ARHGAP12: variants seen among roughly 807,000 people sequenced by gnomAD.
ARHGAP12 encodes rho GTPase-activating protein 12.
Under a neutral mutation model 108.6 loss-of-function variants are expected in ARHGAP12, and 64 were observed. That is an observed-to-expected ratio of 0.59 (90% CI 0.48 to 0.73). The LOEUF (loss-of-function observed/expected upper bound fraction) is 0.73. Ranked by LOEUF, ARHGAP12 falls within the 30% of genes least tolerant of loss-of-function variation. ARHGAP12 has a pLI of 0.00. For synonymous variants in ARHGAP12, 312 were observed against 337.2 expected, an observed-to-expected ratio of 0.93 and a Z score of 0.82; for missense variants, 940 against 1,005.9, an observed-to-expected ratio of 0.93 and a Z score of 0.89.
chr10:31,818,277 AAT>A (rs1484759851), intron 12 of ARHGAP12, among the ~76,000 whole-genome samples: 1 of 152,210 alleles, frequency 6.6e-6, no homozygotes, highest in Non-Finnish European at 1.5e-5. Context: ...CAACCTGAGA[AAT>A]TTTTTTCTGT....
intron 3 of ARHGAP12, among the ~76,000 whole-genome samples, chr10:31,885,473 C>T (rs1271105612): frequency 6.6e-6 from 1 of 152,094 alleles, no homozygotes; most frequent in East Asian, 1.9e-4. Context: ...TCCTGCTTTG[C>T]CTACTTTCCA....
At chr10:31,914,512 A>C (rs1371156831) in intron 1 of ARHGAP12, among the ~76,000 whole-genome samples, 2 of 152,200 alleles carry the variant, frequency 1.3e-5, no homozygotes, top group African/African-American at 2.4e-5. Context: ...CTTCAAAAGA[A>C]GACACACAAA....
chr10:31,843,304 T>C (rs946129226), intron 7 of ARHGAP12, among the ~76,000 whole-genome samples, 157 bp downstream of exon 7: 7 of 152,160 alleles, frequency 4.6e-5, no homozygotes, highest in Non-Finnish European at 1.0e-4. Flanking sequence ...TAGTAACATT[T>C]CAACATACAT....
At chr10:31,820,529 C>G in intron 11 of ARHGAP12, 41 bp from the exon 12 acceptor site, 1 of 1,230,636 alleles carries the variant, frequency 8.1e-7, no homozygotes, top group Non-Finnish European at 1.1e-6. Flanking sequence ...ATGTGATACT[C>G]ACATATATGT....
intron 4 of ARHGAP12, among the ~76,000 whole-genome samples, chr10:31,857,262 T>G (rs1043557485): frequency 6.6e-6 from 1 of 152,226 alleles, no homozygotes; most frequent in African/African-American, 2.4e-5. Flanking sequence ...TCTTTTAAAT[T>G]TTTGAAGGTT....
At chr10:31,893,052 C>G (rs1351133922) in intron 3 of ARHGAP12, among the ~76,000 whole-genome samples, 1 of 152,212 alleles carries the variant, frequency 6.6e-6, no homozygotes, top group East Asian at 1.9e-4. Context: ...TTGAAACCAA[C>G]AAGAACAAAG....
chr10:31,860,902 T>C (rs936704019), intron 4 of ARHGAP12, among the ~76,000 whole-genome samples: 1 of 152,062 alleles, frequency 6.6e-6, no homozygotes, highest in African/African-American at 2.4e-5. Flanking sequence ...ACAAATAAAA[T>C]TTTTAAAAAT....
chr10:31,860,416 G>T lies in ARHGAP12; in HGVS notation c.948+979C>A, dbSNP rs1323689912. On this transcript the variant is annotated intron_variant, in intron 4 of 19. Coordinates refer to ENST00000344936, the MANE Select transcript of ARHGAP12 (RefSeq NM_018287.7). ...CAATCCTACCAAGTTACTCCTGTAC[G>T]TTTAAATAATCCCAAGGCCTCTTGC... is the stretch of plus-strand genomic sequence containing the variant. Among the ~76,000 whole-genome samples, 3 of 152,192 alleles carry T rather than the reference G, an allele frequency of 2.0e-5. No homozygotes were observed. In the East Asian group the frequency reaches 5.8e-4, roughly 29 times the overall value.
chr10:31,899,805 G>A (rs2034753487), intron 3 of ARHGAP12, among the ~76,000 whole-genome samples: 1 of 152,068 alleles, frequency 6.6e-6, no homozygotes, highest in African/African-American at 2.4e-5. Context: ...GGTGACTTTT[G>A]GTTTGGCAAT....
intron 16 of ARHGAP12, 59 bp downstream of exon 16, chr10:31,810,590 G>T: frequency 2.5e-6 from 3 of 1,204,188 alleles, no homozygotes; most frequent in Non-Finnish European, 3.5e-6. Flanking sequence ...AATTTTGATG[G>T]CAAAACAAGA....
At chr10:31,918,263 G>A (rs1298514441) in intron 1 of ARHGAP12, among the ~76,000 whole-genome samples, 1 of 150,842 alleles carries the variant, frequency 6.6e-6, no homozygotes, top group Non-Finnish European at 1.5e-5. Flanking sequence ...CTGTATATAA[G>A]CGGCCAGTAA....
intron 18 of ARHGAP12, 32 bp downstream of exon 18, chr10:31,808,962 C>A: frequency 1.3e-6 from 2 of 1,531,570 alleles, no homozygotes; most frequent in South Asian, 2.4e-5. Flanking sequence ...TTTTCAATAT[C>A]TAGAAAAAAC....
intron 3 of ARHGAP12, among the ~76,000 whole-genome samples, chr10:31,877,855 G>C (rs756315145): frequency 6.6e-5 from 10 of 152,358 alleles, no homozygotes; most frequent in Admixed American, 3.9e-4. Context: ...ACTTTGGGAA[G>C]TCAAGGCGGG....
At chr10:31,842,210 G>C (rs1037135045) in intron 7 of ARHGAP12, among the ~76,000 whole-genome samples, 47 of 152,068 alleles carry the variant, frequency 3.1e-4, no homozygotes, top group Admixed American at 6.6e-5. Flanking sequence ...AGAGGCGGTA[G>C]AGTTGGTTCA....
intron 10 of ARHGAP12, among the ~76,000 whole-genome samples, chr10:31,828,266 A>G (rs530613104): frequency 4.5e-4 from 68 of 149,910 alleles, no homozygotes; most frequent in African/African-American, 1.4e-3. Flanking sequence ...TTTCTTTTAC[A>G]TATAGAATTT....
rs181720282 is a variant in ARHGAP12 at position 31,878,763 on chromosome 10, A to G, written c.685-17105T>C. On this transcript the variant is annotated intron_variant, in intron 3 of 19. Transcript: ENST00000344936. ...GTTGAACACTTGCAACAGAGACCAC[A>G]TGGCTCACAAAACCTAAAATGTTTG... 3.2e-3 allele frequency among the ~76,000 whole-genome samples: 480 copies of G among 152,342 alleles called. 4 individuals carry two copies. The South Asian group carries it at 0.033, about 11-fold the overall frequency.
chr10:31,922,167 C>A (rs1399136161), intron 1 of ARHGAP12, among the ~76,000 whole-genome samples: 4 of 111,166 alleles, frequency 3.6e-5, no homozygotes, highest in Non-Finnish European at 5.2e-5. Context: ...GGAGACAGAG[C>A]AAGACCCTGC....
At position 31,908,183 on chromosome 10, in the gene ARHGAP12, C is replaced by G. The variant is rs375156262; in HGVS notation, c.673G>C (p.Glu225Gln). 1.9e-6 allele frequency: 3 copies of G among 1,600,746 alleles called. No individual in the cohort carries two copies. The African/African-American group carries it at 4.0e-5, about 22-fold the overall frequency. The change falls in exon 3 of 20, where the codon GAA becomes CAA. Residue 225 changes from glutamate (E) to glutamine (Q), a missense_variant. Physicochemically the swap from Glu to Gln is conservative, Grantham distance 29. Coordinates refer to ENST00000344936, the MANE Select transcript of ARHGAP12 (RefSeq NM_018287.7). ...SGDELSSSST[E>Q]QIRATTPPNQ... ...ATTTTTAATCTTACCCTTATCTGTTCAGTGGAGCTGCTGCTAAGTTCATCA... is the reference window on the plus strand; with the variant it reads ...ATTTTTAATCTTACCCTTATCTGTTGAGTGGAGCTGCTGCTAAGTTCATCA...
intron 13 of ARHGAP12, 46 bp downstream of exon 13, chr10:31,817,736 AAAAAAG>A (rs2132160026): frequency 7.7e-7 from 1 of 1,296,616 alleles, no homozygotes; most frequent in East Asian, 2.4e-5. Context: ...AATTAAAAAA[AAAAAAG>A]AAAAACAGCT....
Sources: allele counts gnomAD v4.1 joint callset (sites outside exome capture counted in the v4.1 genomes callset), GRCh38; gene constraint gnomAD v4.1.1; transcripts MANE v1.5; gene names NCBI Gene and HGNC (gene_info 2026-07-23, HGNC 2026-07-21).